Variants in NKAIN3 observed in about 807,000 individuals in gnomAD.
The protein encoded by NKAIN3 is sodium/potassium-transporting ATPase subunit beta-1-interacting protein 3.
NKAIN3 carries 25 observed loss-of-function variants against 30.2 expected under a neutral mutation model. That is an observed-to-expected ratio of 0.83 (90% CI 0.60 to 1.16). The LOEUF is 1.16. Ranked by LOEUF, NKAIN3 falls within the 50% of genes most tolerant of loss-of-function variation. The pLI, the probability that NKAIN3 is intolerant of heterozygous loss-of-function variation, is 0.00. For missense variants in NKAIN3, 225 were observed against 254.1 expected (o/e 0.89, Z 0.78); for synonymous variants, 91 against 89.6 (o/e 1.02, Z -0.09).
chr8:62,850,791 G>A (rs1205942824), intron 4 of NKAIN3, among the ~76,000 whole-genome samples: 2 of 151,978 alleles, frequency 1.3e-5, no homozygotes, highest in Non-Finnish European at 2.9e-5. Context: ...TTTCTGAGGT[G>A]TCTGTTCTGT....
At chr8:62,538,530 A>G (rs1283672029) in intron 1 of NKAIN3, among the ~76,000 whole-genome samples, 2 of 152,144 alleles carry the variant, frequency 1.3e-5, no homozygotes, top group Admixed American at 6.6e-5. Flanking sequence ...TAAACCTTAA[A>G]CAGACTTCCA....
intron 1 of NKAIN3, among the ~76,000 whole-genome samples, chr8:62,250,010 T>C (rs895007727): frequency 6.6e-6 from 1 of 152,160 alleles, no homozygotes; most frequent in Non-Finnish European, 1.5e-5. Flanking sequence ...TTAATAGACA[T>C]CTCCCTTGCG....
At chr8:62,560,800 C>A (rs1284817587) in intron 1 of NKAIN3, among the ~76,000 whole-genome samples, 13 of 152,028 alleles carry the variant, frequency 8.6e-5, no homozygotes, top group African/African-American at 2.9e-4. Context: ...CTCGGCCTCC[C>A]AAAATGCTGG....
intron 4 of NKAIN3, among the ~76,000 whole-genome samples, chr8:62,779,004 G>A (rs1032397731): frequency 1.3e-5 from 2 of 152,028 alleles, no homozygotes; most frequent in Admixed American, 1.3e-4. Context: ...GAGATGTCAT[G>A]TGGGAGCTAG....
intron 1 of NKAIN3, among the ~76,000 whole-genome samples, chr8:62,349,599 C>A (rs1278253919): frequency 6.6e-6 from 1 of 152,130 alleles, no homozygotes; most frequent in Admixed American, 6.6e-5. Flanking sequence ...GACAGTAAAG[C>A]ATATGCACGT....
chr8:62,271,894 T>G (rs17238431), intron 1 of NKAIN3, among the ~76,000 whole-genome samples: 16,958 of 152,212 alleles, frequency 0.11, 1,223 homozygotes, highest in Non-Finnish European at 0.16. Context: ...CTTGCCTCCA[T>G]GTTGCGGTGA....
At chr8:62,284,059 T>G (rs529646012) in intron 1 of NKAIN3, among the ~76,000 whole-genome samples, 1 of 152,154 alleles carries the variant, frequency 6.6e-6, no homozygotes, top group Non-Finnish European at 1.5e-5. Context: ...CTTTTCCTTT[T>G]TGAGACCTGT....
rs374969958 is a variant in NKAIN3 at position 62,882,663 on chromosome 8, A to AT, written c.472-35780dup. Reference sequence around the variant, plus strand: ...TATTGCCATACCCAAGATCACCTAGATTTTTTTTTTACATATTCAAGGAAT... The same window carrying AT: ...TATTGCCATACCCAAGATCACCTAGATTTTTTTTTTTACATATTCAAGGAAT... On this transcript the variant is annotated intron_variant, in intron 4 of 6. Transcript: ENST00000623646. Among the ~76,000 whole-genome samples, 18 of 150,304 alleles carry AT rather than the reference A, an allele frequency of 1.2e-4. No individual in the cohort carries two copies. In the East Asian group the frequency reaches 1.4e-3, roughly 11 times the overall value.
chr8:62,942,191 TATATATAC>T (rs1563638315), intron 5 of NKAIN3, among the ~76,000 whole-genome samples: 974 of 84,650 alleles, frequency 0.012, 19 homozygotes, highest in African/African-American at 0.053. Flanking sequence ...TATATACACA[TATATATAC>T]ACACATATAT....
At chr8:62,818,238 G>C (rs1033515622) in intron 4 of NKAIN3, among the ~76,000 whole-genome samples, 3 of 152,098 alleles carry the variant, frequency 2.0e-5, no homozygotes, top group African/African-American at 7.2e-5. Flanking sequence ...TGTTGCAGAG[G>C]GGAAAGCCAA....
At chr8:62,863,240 G>C in intron 4 of NKAIN3, 1 of 1,569,962 alleles carries the variant, frequency 6.4e-7, no homozygotes, top group Non-Finnish European at 8.7e-7. Context: ...TTATTTTTCA[G>C]TTTTTTCTTT....
At chr8:62,502,781 G>A (rs532079263) in intron 1 of NKAIN3, among the ~76,000 whole-genome samples, 8 of 152,258 alleles carry the variant, frequency 5.3e-5, no homozygotes, top group African/African-American at 1.9e-4. Context: ...ATGTTCCTCT[G>A]GACTTCCAAA....
chr8:62,574,984 G>A lies in NKAIN3; in HGVS notation c.55-4555G>A, dbSNP rs186523275. On this transcript the variant is annotated intron_variant, in intron 1 of 6. Transcript: ENST00000623646. ...GAAGGAATTACCTCAACAAATAAAA[G>A]CCATATACAATGGACCAACAGCTAG... 8.0e-3 allele frequency among the ~76,000 whole-genome samples: 1,212 copies of A among 151,876 alleles called. 13 individuals are homozygous for A. The highest frequency in any genetic ancestry group is 0.028 in the African/African-American group (1,158 of 41,424).
At chr8:62,317,582 C>T (rs1176870217) in intron 1 of NKAIN3, among the ~76,000 whole-genome samples, 1 of 152,084 alleles carries the variant, frequency 6.6e-6, no homozygotes, top group Non-Finnish European at 1.5e-5. Flanking sequence ...GATCAGATGG[C>T]TGTAGATATG....
intron 2 of NKAIN3, among the ~76,000 whole-genome samples, chr8:62,589,221 C>T (rs1002787519): frequency 6.6e-6 from 1 of 151,816 alleles, no homozygotes; most frequent in Admixed American, 6.6e-5. Flanking sequence ...TAGAGGCACA[C>T]ATTCTACTAA....
intron 4 of NKAIN3, among the ~76,000 whole-genome samples, chr8:62,844,438 G>A (rs1819616072): frequency 1.3e-5 from 2 of 152,132 alleles, no homozygotes; most frequent in Admixed American, 6.6e-5. Context: ...GAAAATTTCA[G>A]ATTAACTCCT....
intron 4 of NKAIN3, among the ~76,000 whole-genome samples, chr8:62,783,736 G>A (rs1817429888): frequency 6.6e-6 from 1 of 150,982 alleles, no homozygotes; most frequent in Non-Finnish European, 1.5e-5. Context: ...TCAGCCTCTA[G>A]AGTAGGTGAG....
chr8:62,657,537 C>T (rs1372929317), intron 3 of NKAIN3, among the ~76,000 whole-genome samples: 5 of 152,006 alleles, frequency 3.3e-5, no homozygotes, highest in African/African-American at 9.7e-5. Context: ...GAGTAGAAAG[C>T]TGAAAGAAAA....
chr8:62,629,366 G>A (rs1811885523), intron 3 of NKAIN3, among the ~76,000 whole-genome samples: 1 of 152,056 alleles, frequency 6.6e-6, no homozygotes, highest in Admixed American at 6.6e-5. Flanking sequence ...CTGTCAAATG[G>A]AGTTTTATTT....
Sources: gnomAD v4.1 joint callset for allele counts (sites outside exome capture counted in the v4.1 genomes callset) on GRCh38, gnomAD v4.1.1 for gene constraint, MANE v1.5 for transcripts, NCBI Gene and HGNC (gene_info 2026-07-23, HGNC 2026-07-21) for gene names.